DNAI2: variants seen among roughly 807,000 people sequenced by gnomAD.
DNAI2 encodes the protein dynein axonemal intermediate chain 2.
DNAI2 carries 63 observed loss-of-function variants against 74.7 expected under a neutral mutation model. The observed-to-expected ratio is 0.84, with a 90% CI of 0.69 to 1.04. The LOEUF is 1.04. Ranked by LOEUF, DNAI2 falls within the 50% of genes least tolerant of loss-of-function variation. The probability of loss-of-function intolerance (pLI) is 0.00; values close to 1 mark genes in which losing one functional copy is unlikely to be tolerated. For synonymous variants in DNAI2, 289 were observed against 314.9 expected (o/e 0.92, Z 0.87); for missense variants, 688 against 803.2 (o/e 0.86, Z 1.73).
chr17:74,309,609 C>T (rs1397317401), intron 10 of DNAI2: 2 of 728,120 alleles, frequency 2.7e-6, no homozygotes, highest in Non-Finnish European at 4.9e-6. Flanking sequence ...GGTAGCACAA[C>T]AGAACCACCT....
chr17:74,292,759 AT>A (rs2052192789), intron 6 of DNAI2, among the ~76,000 whole-genome samples: 1 of 151,202 alleles, frequency 6.6e-6, no homozygotes, highest in Non-Finnish European at 1.5e-5. Flanking sequence ...ATGGCCTAGC[AT>A]ATTGTCTATC....
intron 1 of DNAI2, 98 bp downstream of exon 1, chr17:74,274,443 C>A (rs1877686): frequency 0.4 from 60,616 of 151,900 alleles, 14,274 homozygotes; most frequent in East Asian, 0.78. Context: ...GAGTGCCAAA[C>A]ATTCCTCTTG....
intron 1 of DNAI2, among the ~76,000 whole-genome samples, chr17:74,278,408 T>C (rs1036077111): frequency 6.6e-6 from 1 of 152,200 alleles, no homozygotes; most frequent in African/African-American, 2.4e-5. Flanking sequence ...CCAGCCTGGA[T>C]GACAGAGCAA....
At chr17:74,285,385 C>A (rs1189992175) in intron 3 of DNAI2, among the ~76,000 whole-genome samples, 184 bp downstream of exon 3, 1 of 152,126 alleles carries the variant, frequency 6.6e-6, no homozygotes, top group Non-Finnish European at 1.5e-5. Context: ...CAATCACAGA[C>A]CAACAGGGAA....
At chr17:74,310,282 C>T in intron 11 of DNAI2, 119 bp downstream of exon 11, 16 of 1,395,886 alleles carry the variant, frequency 1.1e-5, no homozygotes, top group Non-Finnish European at 1.5e-5. Context: ...CATAGGTGCA[C>T]ATTTTGGGGG....
At chr17:74,290,928 C>T in intron 5 of DNAI2, 92 bp from the exon 6 acceptor site, 4 of 1,103,530 alleles carry the variant, frequency 3.6e-6, no homozygotes, top group Non-Finnish European at 5.6e-6. Flanking sequence ...TGCCACCATG[C>T]CCCCGCTACC....
chr17:74,310,208 C>G (rs1278487082), intron 11 of DNAI2, 45 bp downstream of exon 11: 2 of 1,603,042 alleles, frequency 1.2e-6, no homozygotes. Context: ...CACGTCCCGA[C>G]CTGGCCCCAC....
intron 1 of DNAI2, among the ~76,000 whole-genome samples, chr17:74,277,153 G>T (rs34608668): frequency 1.3e-5 from 2 of 152,056 alleles, no homozygotes; most frequent in South Asian, 2.1e-4. Context: ...TTGGGAGGCC[G>T]AGGTGGGCGG....
At chr17:74,309,017 C>T (rs182527268) in intron 9 of DNAI2, among the ~76,000 whole-genome samples, 2 of 147,406 alleles carry the variant, frequency 1.4e-5, no homozygotes, top group African/African-American at 2.6e-5. Context: ...GAGCCGACAT[C>T]GTACCACTGC....
At chr17:74,310,680 A>G (rs954872364) in intron 11 of DNAI2, among the ~76,000 whole-genome samples, 2 of 151,842 alleles carry the variant, frequency 1.3e-5, no homozygotes, top group South Asian at 2.1e-4. Context: ...CTGGGATTAC[A>G]AGTGCATACC....
chr17:74,281,047 A>G (rs1012537430), intron 1 of DNAI2, among the ~76,000 whole-genome samples: 1 of 140,112 alleles, frequency 7.1e-6, no homozygotes, highest in African/African-American at 2.8e-5. Context: ...TGAGCACACC[A>G]CTGCACTCCA....
intron 2 of DNAI2, 114 bp from the exon 3 acceptor site, chr17:74,284,926 A>G: frequency 1.5e-6 from 2 of 1,359,006 alleles, no homozygotes; most frequent in Non-Finnish European, 2.1e-6. Context: ...GGCTCCGGCC[A>G]GGGCGCCTCA....
At position 74,312,284 on chromosome 17, in the gene DNAI2, A is replaced by G. The variant is rs1346215694; in HGVS notation, c.1722+54A>G. ...TTGGGGACTGGGCGGGACACATGGCACTTGGGTTCTGCTTCTGCTTGCCGA... is the reference window on the plus strand; with the variant it reads ...TTGGGGACTGGGCGGGACACATGGCGCTTGGGTTCTGCTTCTGCTTGCCGA... On this transcript the variant is annotated intron_variant, in intron 12 of 13. Coordinates refer to ENST00000311014, the MANE Select transcript of DNAI2 (RefSeq NM_023036.6). The G allele has an allele frequency of 9.3e-6, 5 of 539,210 alleles. No individual in the cohort carries two copies. The Admixed American group carries it at 1.2e-4, about 13-fold the overall frequency. The allele number at this position is 539,210 out of a possible 1,614,324, so 33.4% of individuals were successfully genotyped here.
chr17:74,282,020 G>T lies in DNAI2; in HGVS notation c.183+20G>T, dbSNP rs771564902. The T allele has an allele frequency of 6.2e-7, 1 of 1,613,526 alleles. No individual in the cohort carries two copies. The highest frequency in any genetic ancestry group is 2.2e-5 in the East Asian group (1 of 44,862). ...CACGAGGTGGGTCCCTGCCCCAAGGGCCCTGGCCTGTCAGGTGTGGCCAGG... is the reference window on the plus strand; with the variant it reads ...CACGAGGTGGGTCCCTGCCCCAAGGTCCCTGGCCTGTCAGGTGTGGCCAGG... On this transcript the variant is annotated intron_variant, in intron 2 of 13. Coordinates refer to ENST00000311014, the MANE Select transcript of DNAI2 (RefSeq NM_023036.6).
intron 6 of DNAI2, among the ~76,000 whole-genome samples, chr17:74,295,485 T>C (rs9904370): frequency 0.55 from 83,348 of 152,010 alleles, 24,831 homozygotes; most frequent in Non-Finnish European, 0.7. Context: ...TTAGTTCTTT[T>C]GATGTGACTT....
intron 8 of DNAI2, among the ~76,000 whole-genome samples, chr17:74,302,078 G>GGAAGGAAGGAAA (rs2052884332): frequency 1.2e-5 from 1 of 83,252 alleles, no homozygotes; most frequent in Non-Finnish European, 2.5e-5. Flanking sequence ...AAAGAAGGAA[G>GGAAGGAAGGAAA]GAAGGAAGGA....
At position 74,314,218 on chromosome 17, in the gene DNAI2, A is replaced by G; in HGVS notation, c.*2A>G. 6.2e-7 allele frequency: 1 copy of G among 1,614,140 alleles called. No individual in the cohort carries two copies. Among genetic ancestry groups the G allele is most frequent in the Non-Finnish European group, 8.5e-7 (1 of 1,179,962 alleles). ...GAAGTGGAAGAAGACTTAGCCTAGA[A>G]GTCAGCCTTCGACTGCGGCGCTATC... On this transcript the variant is annotated 3_prime_UTR_variant, in exon 13 of 14. Transcript: ENST00000311014.
intron 5 of DNAI2, among the ~76,000 whole-genome samples, chr17:74,290,424 A>G (rs1264064461): frequency 6.6e-6 from 1 of 152,306 alleles, no homozygotes; most frequent in Non-Finnish European, 1.5e-5. Flanking sequence ...CCTTTAATTC[A>G]TGGCCTGCAG....
intron 8 of DNAI2, among the ~76,000 whole-genome samples, chr17:74,303,464 A>G (rs1401056977): frequency 1.3e-5 from 2 of 152,154 alleles, no homozygotes; most frequent in African/African-American, 4.8e-5. Context: ...TTGTTGAGAC[A>G]TCGTTTTGCT....
Sources: gnomAD v4.1 joint callset for allele counts (sites outside exome capture counted in the v4.1 genomes callset) on GRCh38, gnomAD v4.1.1 for gene constraint, MANE v1.5 for transcripts, NCBI Gene and HGNC (gene_info 2026-07-23, HGNC 2026-07-21) for gene names.